Variants in OCA2 observed in about 807,000 individuals in gnomAD.
OCA2 encodes the protein P protein.
A neutral mutation model predicts 100.2 loss-of-function variants in OCA2; 77 were observed. The ratio of observed to expected loss-of-function variants is 0.77; its 90% CI spans 0.64 to 0.93. The LOEUF (loss-of-function observed/expected upper bound fraction) is 0.93. Among genes scored for constraint, OCA2 ranks in the 40% least tolerant of loss-of-function variants. The probability of loss-of-function intolerance (pLI) is 0.00; values close to 1 mark genes in which losing one functional copy is unlikely to be tolerated. For synonymous variants in OCA2, 432 were observed against 439.2 expected (o/e 0.98, Z 0.21); for missense variants, 1,062 against 1,089.1 (o/e 0.98, Z 0.35).
chr15:27,725,913 G>A, the OCA2 span, among the ~76,000 whole-genome samples: 4 of 152,144 alleles, frequency 2.6e-5, no homozygotes, highest in Non-Finnish European at 4.4e-5. Flanking sequence ...CACATTGGCA[G>A]AAGCTGCCAG....
At chr15:27,770,528 G>A (rs1484167374) in intron 23 of OCA2, among the ~76,000 whole-genome samples, 2 of 152,270 alleles carry the variant, frequency 1.3e-5, no homozygotes, top group East Asian at 1.9e-4. Flanking sequence ...CGCCGGGCTC[G>A]CCCTTCCTTC....
chr15:28,081,319 A>G (rs944958594), intron 2 of OCA2, among the ~76,000 whole-genome samples: 2 of 151,842 alleles, frequency 1.3e-5, no homozygotes, highest in Non-Finnish European at 2.9e-5. Context: ...TTCACTTGCT[A>G]TATGTATAGA....
At chr15:27,893,123 C>G (rs938568426) in intron 19 of OCA2, among the ~76,000 whole-genome samples, 3 of 152,196 alleles carry the variant, frequency 2.0e-5, no homozygotes, top group Non-Finnish European at 2.9e-5. Flanking sequence ...AAGTCAGGGA[C>G]CCCAAATGGA....
chr15:27,847,986 C>T (rs1394277235), intron 22 of OCA2, among the ~76,000 whole-genome samples: 2 of 152,222 alleles, frequency 1.3e-5, no homozygotes, highest in Non-Finnish European at 2.9e-5. Context: ...CCGGCCCACA[C>T]TCAAGCTGCA....
chr15:27,938,499 G>A (rs908500167), intron 18 of OCA2, among the ~76,000 whole-genome samples: 6 of 146,654 alleles, frequency 4.1e-5, no homozygotes, highest in African/African-American at 1.7e-4. Context: ...ATGGAAGGGA[G>A]AAAATTGTGA....
Position 27,772,714 on chromosome 15 carries a change from G to A in OCA2, c.2433-17242C>T, listed in dbSNP as rs112869907. ...AAATTAGCTGGGTGTGGTGGCAGGC[G>A]CCTGTAGTCCCAGCTCCTTGGGAGG... On this transcript the variant is annotated intron_variant, in intron 23 of 23. Coordinates refer to ENST00000354638, the MANE Select transcript of OCA2 (RefSeq NM_000275.3). 7.2e-5 allele frequency among the ~76,000 whole-genome samples: 11 copies of A among 152,064 alleles called. No individual in the cohort carries two copies. The East Asian group carries it at 1.8e-3, about 24-fold the overall frequency.
At chr15:28,027,546 G>A (rs932374185) in intron 4 of OCA2, among the ~76,000 whole-genome samples, 1 of 152,106 alleles carries the variant, frequency 6.6e-6, no homozygotes, top group African/African-American at 2.4e-5. Flanking sequence ...ATTCCAAAAC[G>A]CCACGGGGAC....
At chr15:28,015,635 C>G (rs1595824036) in intron 8 of OCA2, among the ~76,000 whole-genome samples, 1 of 152,030 alleles carries the variant, frequency 6.6e-6, no homozygotes, top group Non-Finnish European at 1.5e-5. Context: ...AGAAACTGAC[C>G]CTGTCGACAC....
At chr15:27,933,499 G>C (rs767484369) in intron 18 of OCA2, among the ~76,000 whole-genome samples, 3 of 152,204 alleles carry the variant, frequency 2.0e-5, no homozygotes, top group Non-Finnish European at 4.4e-5. Flanking sequence ...CCACCAAACA[G>C]GCTTTGTGTG....
chr15:27,755,516 T>A, intron 23 of OCA2, 44 bp from the exon 24 acceptor site: 1 of 1,488,452 alleles, frequency 6.7e-7, no homozygotes, highest in Non-Finnish European at 9.4e-7. Flanking sequence ...GAAATCTGGA[T>A]AATCTCATGA....
intron 23 of OCA2, among the ~76,000 whole-genome samples, chr15:27,833,091 C>G (rs2035023797): frequency 1.3e-5 from 2 of 152,220 alleles, no homozygotes; most frequent in African/African-American, 4.8e-5. Context: ...TTTGGGACTA[C>G]AGGCATGAGC....
At chr15:27,858,773 T>TC (rs2036031139) in intron 21 of OCA2, among the ~76,000 whole-genome samples, 1 of 151,994 alleles carries the variant, frequency 6.6e-6, no homozygotes, top group African/African-American at 2.4e-5. Context: ...CATAAAATAT[T>TC]CCCCAAGATA....
At chr15:27,750,799 G>A (rs1344136851), downstream of OCA2, among the ~76,000 whole-genome samples, 1 of 152,236 alleles carries the variant, frequency 6.6e-6, no homozygotes, top group Admixed American at 6.5e-5. Context: ...AGAGGTCTGT[G>A]CCAAAAGGCA....
At chr15:27,722,985 G>T in the OCA2 span, among the ~76,000 whole-genome samples, 2 of 151,768 alleles carry the variant, frequency 1.3e-5, no homozygotes, top group Non-Finnish European at 1.5e-5. Context: ...GGGACTACAG[G>T]CATGCACCAC....
At chr15:27,731,553 T>C in the OCA2 span, among the ~76,000 whole-genome samples, 4 of 152,210 alleles carry the variant, frequency 2.6e-5, no homozygotes, top group Non-Finnish European at 5.9e-5. Context: ...TGTTAAGCTA[T>C]TTGTAGATAG....
chr15:28,054,410 C>A (rs538013781), intron 2 of OCA2, among the ~76,000 whole-genome samples: 1 of 152,300 alleles, frequency 6.6e-6, no homozygotes, highest in South Asian at 2.1e-4. Context: ...CCTGCAGGCA[C>A]AGCAGCATGT....
At chr15:27,815,720 G>A (rs2034271174) in intron 23 of OCA2, among the ~76,000 whole-genome samples, 1 of 152,218 alleles carries the variant, frequency 6.6e-6, no homozygotes, top group Non-Finnish European at 1.5e-5. Context: ...GGAGAGTCAG[G>A]TGAATGCTGA....
intron 23 of OCA2, among the ~76,000 whole-genome samples, chr15:27,770,544 TCGC>T (rs2031650309): frequency 6.6e-6 from 1 of 151,920 alleles, no homozygotes; most frequent in Admixed American, 6.6e-5. Context: ...CCTTCCTCCC[TCGC>T]CGCCGGGGAA....
At chr15:27,871,801 A>AT (rs1430651224) in intron 20 of OCA2, 62 bp downstream of exon 20, 41 of 1,214,210 alleles carry the variant, frequency 3.4e-5, no homozygotes, top group Non-Finnish European at 4.4e-5. Flanking sequence ...TTTTTTTTTA[A>AT]TTTTTTTCAC....
Sources: gnomAD v4.1 joint callset for allele counts (sites outside exome capture counted in the v4.1 genomes callset) on GRCh38, gnomAD v4.1.1 for gene constraint, MANE v1.5 for transcripts, NCBI Gene and HGNC (gene_info 2026-07-23, HGNC 2026-07-21) for gene names.